FBXO21: variants seen among roughly 807,000 people sequenced by gnomAD.
FBXO21 encodes the protein F-box only protein 21.
Under a neutral mutation model 76.6 loss-of-function variants are expected in FBXO21, and 32 were observed. The ratio of observed to expected loss-of-function variants is 0.42; its 90% CI spans 0.32 to 0.56. The LOEUF is 0.56. Among genes scored for constraint, FBXO21 ranks in the 20% least tolerant of loss-of-function variants. FBXO21 has a pLI of 0.16. For synonymous variants in FBXO21, 328 were observed against 311.5 expected (o/e 1.05, Z -0.56); for missense variants, 586 against 797.3 (o/e 0.73, Z 3.19).
rs755301711 is a variant in FBXO21, at chr12:117,158,111, C to T, written c.1327-48G>A. On this transcript the variant is annotated intron_variant, in intron 9 of 11. Coordinates refer to ENST00000622495, the MANE Select transcript of FBXO21 (RefSeq NM_015002.3). Reference sequence around the variant, plus strand: ...TAAAAGATAATATTTTCAGCTAGGCCTTTTCTTTTTTGCGGCGAGGGATTT... The same window carrying T: ...TAAAAGATAATATTTTCAGCTAGGCTTTTTCTTTTTTGCGGCGAGGGATTT... 1.2e-5 allele frequency: 19 copies of T among 1,609,298 alleles called. No homozygotes were observed. In the Admixed American group the frequency reaches 1.7e-4, roughly 14 times the overall value.
intron 3 of FBXO21, among the ~76,000 whole-genome samples, chr12:117,178,575 T>C (rs1956197194): frequency 6.6e-6 from 1 of 152,044 alleles, no homozygotes; most frequent in Admixed American, 6.6e-5. Flanking sequence ...CCATTACCTC[T>C]CTGACCCCAA....
chr12:117,161,069 A>G (rs891082273), intron 9 of FBXO21, among the ~76,000 whole-genome samples: 16 of 152,120 alleles, frequency 1.1e-4, no homozygotes, highest in African/African-American at 2.9e-4. Flanking sequence ...TCTAATGGAG[A>G]CAGATGACGG....
intron 3 of FBXO21, among the ~76,000 whole-genome samples, chr12:117,180,572 T>C (rs907017826): frequency 6.6e-6 from 1 of 151,954 alleles, no homozygotes; most frequent in Non-Finnish European, 1.5e-5. Context: ...TCATTCCACA[T>C]CTCTCTCTCA....
chr12:117,161,436 C>T (rs10850780), intron 9 of FBXO21, among the ~76,000 whole-genome samples: 27,133 of 151,758 alleles, frequency 0.18, 3,117 homozygotes, highest in Admixed American at 0.34. Flanking sequence ...GTCTTCAAGG[C>T]AACAGGGGAG....
At chr12:117,189,465 G>T (rs1476937429) in intron 1 of FBXO21, 103 bp from the exon 2 acceptor site, 1 of 1,270,012 alleles carries the variant, frequency 7.9e-7, no homozygotes, top group Non-Finnish European at 1.1e-6. Context: ...GCGTCCAGTG[G>T]TAAGAGGGAC....
rs997340100 is a variant in FBXO21, at chr12:117,171,378, A to G, written c.1013+1093T>C. 1.4e-4 allele frequency among the ~76,000 whole-genome samples: 22 copies of G among 151,864 alleles called. No homozygotes were observed. The South Asian group carries it at 4.0e-3, about 27-fold the overall frequency. ...GTCTCAAAAAAAAAAAAAAAAAAAA[A>G]AAAGAAATAACAAACACTTTCAAAC... is the stretch of plus-strand genomic sequence containing the variant. On this transcript the variant is annotated intron_variant, in intron 7 of 11. Coordinates refer to ENST00000622495, the MANE Select transcript of FBXO21 (RefSeq NM_015002.3).
intron 3 of FBXO21, among the ~76,000 whole-genome samples, chr12:117,184,858 G>C (rs1192883561): frequency 6.6e-6 from 1 of 152,180 alleles, no homozygotes; most frequent in African/African-American, 2.4e-5. Context: ...ATTTCCATAA[G>C]GTACTGTTGA....
At position 117,180,791 on chromosome 12, in the gene FBXO21, A is replaced by AT. The variant is rs571998704; in HGVS notation, c.471-3151dup. 3.1e-3 allele frequency among the ~76,000 whole-genome samples: 444 copies of AT among 145,246 alleles called. 2 individuals carry two copies. Among genetic ancestry groups the AT allele is most frequent in the African/African-American group, 6.9e-3 (276 of 39,802 alleles). On this transcript the variant is annotated intron_variant, in intron 3 of 11. Coordinates refer to ENST00000622495, the MANE Select transcript of FBXO21 (RefSeq NM_015002.3). ...CAGGCTGCATCACCACACCAAGCTA[A>AT]TTTTTTTTTTTTTATGTATTTTTAG...
intron 7 of FBXO21, among the ~76,000 whole-genome samples, chr12:117,168,196 G>C (rs1397633520): frequency 6.6e-6 from 1 of 152,126 alleles, no homozygotes; most frequent in Non-Finnish European, 1.5e-5. Flanking sequence ...AAGTCCAGTC[G>C]AATTTCTTCC....
chr12:117,170,256 G>A (rs1334118320), intron 7 of FBXO21, among the ~76,000 whole-genome samples: 1 of 151,666 alleles, frequency 6.6e-6, no homozygotes, highest in Non-Finnish European at 1.5e-5. Context: ...CCTAAACAGA[G>A]TGGTCCATGT....
rs968041534 is a variant in FBXO21, at chr12:117,142,875, GT to G, written c.*3211del. On this transcript the variant is annotated 3_prime_UTR_variant, in exon 12 of 12. Transcript: ENST00000622495. ...ACGGCAGCTCTGCTCAGTTTTCTCC[GT>G]GGGGAAAGATCGGAACACTTACAAA... The G allele has an allele frequency of 2.6e-5, 4 of 152,180 alleles. No individual in the cohort carries two copies. The highest frequency in any genetic ancestry group is 9.7e-5 in the African/African-American group (4 of 41,442). 9.4% of individuals were successfully genotyped at this position (152,180 alleles called of 1,614,324 possible). A position where few individuals can be genotyped will look rare whatever the true frequency, so the allele number is the denominator to read the frequency against.
At position 117,167,084 on chromosome 12, in the gene FBXO21, A is replaced by G; in HGVS notation, c.1014-7T>C. ...AAAGATGTCCAGGGTCGCCCTATCC[A>G]AAGAGCCAAATATCAGATGAGAGCT... On this transcript the variant is annotated splice_polypyrimidine_tract_variant and splice_region_variant and intron_variant, in intron 7 of 11. Coordinates refer to ENST00000622495, the MANE Select transcript of FBXO21 (RefSeq NM_015002.3). The G allele has an allele frequency of 6.2e-7, 1 of 1,612,418 alleles. No homozygotes were observed. The highest frequency in any genetic ancestry group is 8.5e-7 in the Non-Finnish European group (1 of 1,179,100).
intron 7 of FBXO21, among the ~76,000 whole-genome samples, chr12:117,168,935 G>C (rs1309192664): frequency 6.6e-6 from 1 of 152,140 alleles, no homozygotes; most frequent in Non-Finnish European, 1.5e-5. Flanking sequence ...AAGGCCTGAA[G>C]ACAGCTAAAC....
At chr12:117,153,055 G>A (rs998674717) in intron 11 of FBXO21, among the ~76,000 whole-genome samples, 1 of 152,054 alleles carries the variant, frequency 6.6e-6, no homozygotes, top group African/African-American at 2.4e-5. Context: ...ACTGCCTGCC[G>A]ATGAGAAACT....
At chr12:117,154,544 C>G (rs1955887888) in intron 11 of FBXO21, among the ~76,000 whole-genome samples, 1 of 152,166 alleles carries the variant, frequency 6.6e-6, no homozygotes, top group South Asian at 2.1e-4. Flanking sequence ...CACTACTCTG[C>G]CTGGCTAATT....
intron 11 of FBXO21, among the ~76,000 whole-genome samples, chr12:117,152,051 G>A (rs1156495265): frequency 6.6e-6 from 1 of 150,974 alleles, no homozygotes; most frequent in African/African-American, 2.4e-5. Flanking sequence ...CGGGGCGAGG[G>A]ATGTGAAGTA....
Position 117,179,284 on chromosome 12 carries a change from C to T in FBXO21, c.471-1643G>A, listed in dbSNP as rs190878137. ...TTGCCAAGAAAGAAAACTTTGCAAA[C>T]GGCCAAGAAGCCCTCCGGGGCCCCC... On this transcript the variant is annotated intron_variant, in intron 3 of 11. Coordinates refer to ENST00000622495, the MANE Select transcript of FBXO21 (RefSeq NM_015002.3). Among the ~76,000 whole-genome samples the T allele has an allele frequency of 3.2e-3, 481 of 152,300 alleles. 4 individuals carry two copies. Among genetic ancestry groups the T allele is most frequent in the African/African-American group, 0.011 (455 of 41,570 alleles).
chr12:117,151,742 G>A (rs1955844859), intron 11 of FBXO21, among the ~76,000 whole-genome samples: 1 of 152,130 alleles, frequency 6.6e-6, no homozygotes, highest in Admixed American at 6.5e-5. Context: ...CAGGGGAGGA[G>A]AGAGGGAGGG....
chr12:117,167,673 G>A (rs1401310791), intron 7 of FBXO21, among the ~76,000 whole-genome samples: 7 of 151,726 alleles, frequency 4.6e-5, no homozygotes, highest in African/African-American at 9.7e-5. Context: ...CCCGGGAGGC[G>A]GAGCTTGCAG....
Sources: gnomAD v4.1 joint callset for allele counts (sites outside exome capture counted in the v4.1 genomes callset) on GRCh38, gnomAD v4.1.1 for gene constraint, MANE v1.5 for transcripts, NCBI Gene and HGNC (gene_info 2026-07-23, HGNC 2026-07-21) for gene names.